The following USP54 variants were observed in gnomAD, a reference collection of about 807,000 sequenced individuals.
USP54 encodes ubiquitin specific peptidase 54.
Under a neutral mutation model 170.5 loss-of-function variants are expected in USP54, and 87 were observed. The observed-to-expected ratio is 0.51, with a 90% CI of 0.43 to 0.61. USP54 has a LOEUF of 0.61. Among genes scored for constraint, USP54 ranks in the 20% least tolerant of loss-of-function variants. The pLI, the probability that USP54 is intolerant of heterozygous loss-of-function variation, is 0.00. For missense variants in USP54, 1,786 were observed against 2,047.8 expected, an observed-to-expected ratio of 0.87 and a Z score of 2.47; for synonymous variants, 655 against 742.8, an observed-to-expected ratio of 0.88 and a Z score of 1.92.
intron 12 of USP54, among the ~76,000 whole-genome samples, chr10:73,531,112 A>G (rs1178551674): frequency 6.6e-6 from 1 of 152,120 alleles, no homozygotes; most frequent in Non-Finnish European, 1.5e-5. Context: ...AGACTGACCA[A>G]CATGGCAAAA....
intron 1 of USP54, among the ~76,000 whole-genome samples, chr10:73,581,651 T>C (rs2076919386): frequency 6.6e-6 from 1 of 152,254 alleles, no homozygotes; most frequent in African/African-American, 2.4e-5. Context: ...ATAGTATATG[T>C]CACTTGAGAA....
intron 4 of USP54, among the ~76,000 whole-genome samples, chr10:73,552,895 G>A (rs1173922103): frequency 6.6e-6 from 1 of 152,194 alleles, no homozygotes; most frequent in Non-Finnish European, 1.5e-5. Flanking sequence ...GTATTTGGGA[G>A]TCATTTCACG....
chr10:73,561,563 C>G (rs571176762), intron 4 of USP54, among the ~76,000 whole-genome samples: 35 of 152,066 alleles, frequency 2.3e-4, no homozygotes, highest in Admixed American at 1.6e-3. Context: ...AAAAGGGAGG[C>G]AAAACACTCC....
At chr10:73,592,471 C>CAAAAAAAAAAAAAAAAAAAAAAAAAA (rs367984467), upstream of USP54, among the ~76,000 whole-genome samples, 1 of 67,362 alleles carries the variant, frequency 1.5e-5, no homozygotes. Flanking sequence ...GAAAGTGCCA[C>CAAAAAAAAAAAAAAAAAAAAAAAAAA]AAAAAAAAAA....
At chr10:73,578,730 C>A (rs1206683047) in intron 1 of USP54, among the ~76,000 whole-genome samples, 1 of 152,026 alleles carries the variant, frequency 6.6e-6, no homozygotes. Flanking sequence ...ATGAAAGTAC[C>A]AAGGCCATTT....
chr10:73,548,797 G>A (rs1307971840), intron 4 of USP54, among the ~76,000 whole-genome samples: 1 of 152,146 alleles, frequency 6.6e-6, no homozygotes, highest in East Asian at 1.9e-4. Flanking sequence ...ACTGATGGGT[G>A]CAGCAAACCA....
At chr10:73,581,408 T>C (rs1012581816) in intron 1 of USP54, among the ~76,000 whole-genome samples, 4 of 152,218 alleles carry the variant, frequency 2.6e-5, no homozygotes, top group African/African-American at 9.6e-5. Context: ...TATGAAATGA[T>C]GGAAAACAGT....
chr10:73,535,961 A>G (rs1245115309), intron 11 of USP54, among the ~76,000 whole-genome samples: 1 of 152,246 alleles, frequency 6.6e-6, no homozygotes, highest in Non-Finnish European at 1.5e-5. Context: ...AAAATCAGCC[A>G]TCCTCACCAA....
chr10:73,595,834 G>A (rs944351074), upstream of USP54, among the ~76,000 whole-genome samples: 1 of 152,174 alleles, frequency 6.6e-6, no homozygotes. Context: ...AATCAGCCGG[G>A]CGCGGTGGCT....
At chr10:73,508,389 AGAGT>A (rs1212543805) in intron 20 of USP54, among the ~76,000 whole-genome samples, 1 of 148,618 alleles carries the variant, frequency 6.7e-6, no homozygotes, top group African/African-American at 2.5e-5. Flanking sequence ...ACTGGGCGAT[AGAGT>A]GAGAATCCAG....
intron 16 of USP54, among the ~76,000 whole-genome samples, chr10:73,526,333 C>T (rs879631699): frequency 3.3e-5 from 5 of 152,044 alleles, no homozygotes; most frequent in South Asian, 2.1e-4. Flanking sequence ...CTGCAACCTC[C>T]GCCTCCCAGG....
intron 1 of USP54, among the ~76,000 whole-genome samples, chr10:73,577,779 G>C (rs1485097741): frequency 6.6e-6 from 1 of 152,108 alleles, no homozygotes; most frequent in East Asian, 1.9e-4. Flanking sequence ...GTCATAAGAA[G>C]GCAGTCAATA....
chr10:73,600,358 C>T (rs1051329824), intron 1 of USP54, among the ~76,000 whole-genome samples: 6 of 152,034 alleles, frequency 3.9e-5, no homozygotes, highest in Non-Finnish European at 7.4e-5. Flanking sequence ...TATAAAAGGA[C>T]ATGGTAGATC....
At chr10:73,540,296 C>T (rs895033680) in intron 9 of USP54, among the ~76,000 whole-genome samples, 8 of 147,168 alleles carry the variant, frequency 5.4e-5, no homozygotes, top group Non-Finnish European at 9.0e-5. Context: ...ACCAGCTGGG[C>T]GCGGTGGCTC....
chr10:73,538,405 ATTTAGACCTTCGAGTGCTG>A, intron 10 of USP54: 1 of 152,216 alleles, frequency 6.6e-6, no homozygotes, highest in East Asian at 1.9e-4. Flanking sequence ...CCCCACCCAG[ATTTAGACCTTCGAGTGCTG>A]ACCCATGAGC....
intron 20 of USP54, among the ~76,000 whole-genome samples, chr10:73,513,626 GTATACA>G (rs2060573036): frequency 1.3e-5 from 2 of 152,092 alleles, no homozygotes; most frequent in Admixed American, 1.3e-4. Context: ...ATACTAAACT[GTATACA>G]TATAGTGTAA....
At chr10:73,569,588 C>T (rs2074598476) in intron 4 of USP54, among the ~76,000 whole-genome samples, 1 of 151,662 alleles carries the variant, frequency 6.6e-6, no homozygotes, top group Non-Finnish European at 1.5e-5. Flanking sequence ...CCTGTCTCTA[C>T]TAAAAATACA....
chr10:73,516,236 C>T, intron 20 of USP54, 139 bp downstream of exon 20: 1 of 999,326 alleles, frequency 1.0e-6, no homozygotes, highest in Non-Finnish European at 1.5e-6. Flanking sequence ...TGAAGGCTTT[C>T]TGAGTAAAGT....
At chr10:73,556,268 G>T (rs1355753659) in intron 4 of USP54, among the ~76,000 whole-genome samples, 1 of 151,718 alleles carries the variant, frequency 6.6e-6, no homozygotes, top group Non-Finnish European at 1.5e-5. Flanking sequence ...AAAGAACAAT[G>T]AAGAACCTTC....
Sources: gnomAD v4.1 joint callset for allele counts (sites outside exome capture counted in the v4.1 genomes callset) on GRCh38, gnomAD v4.1.1 for gene constraint, MANE v1.5 for transcripts, NCBI Gene and HGNC (gene_info 2026-07-23, HGNC 2026-07-21) for gene names.